The following PRDM14 variants were observed in gnomAD, a reference collection of about 807,000 sequenced individuals.
PRDM14 encodes the protein PR domain zinc finger protein 14.
Under a neutral mutation model 48.0 loss-of-function variants are expected in PRDM14, and 16 were observed. That is an observed-to-expected ratio of 0.33 (90% CI 0.23 to 0.51). The LOEUF is 0.51. Among genes scored for constraint, PRDM14 ranks in the 20% least tolerant of loss-of-function variants. The probability of loss-of-function intolerance (pLI) is 0.97; values close to 1 mark genes in which losing one functional copy is unlikely to be tolerated. For missense variants in PRDM14, 566 were observed against 719.6 expected (o/e 0.79, Z 2.44); for synonymous variants, 264 against 276.6 (o/e 0.95, Z 0.45).
In PRDM14 at chr8:70,068,331, T is replaced by G. The variant is rs1272358335; in HGVS notation, c.811A>C (p.Ser271Arg). 3 of 1,614,198 alleles carry G rather than the reference T, an allele frequency of 1.9e-6. No individual in the cohort carries two copies. In the South Asian group the frequency reaches 3.3e-5, roughly 18 times the overall value. Reference sequence around the variant, plus strand: ...CTGACTCCTTTGGCGATAAAACTACTGCAGAACACACCAAAATGTGGGACT... The same window carrying G: ...CTGACTCCTTTGGCGATAAAACTACGGCAGAACACACCAAAATGTGGGACT... Reference protein sequence around the residue: ...GEVPHFGVFCSSFIAKGVRFG... With the variant: ...GEVPHFGVFCRSFIAKGVRFG... Residue 271 changes from serine (S) to arginine (R), a missense_variant, in exon 4 of 8, where the codon AGT (serine) becomes CGT (arginine). Around this residue, in one of 3 missense-constraint regions of PRDM14, gnomAD observed 410 missense variants for 424.6 expected, o/e 0.97. Transcript: ENST00000276594.
At chr8:70,055,620 C>T (rs1460196292) in intron 6 of PRDM14, among the ~76,000 whole-genome samples, 1 of 152,036 alleles carries the variant, frequency 6.6e-6, no homozygotes, top group Non-Finnish European at 1.5e-5. Context: ...ATCCTCCCAC[C>T]TCAGCCTCCT....
chr8:70,056,974 T>G (rs1468226146), intron 6 of PRDM14, among the ~76,000 whole-genome samples: 3 of 151,078 alleles, frequency 2.0e-5, no homozygotes, highest in Non-Finnish European at 3.0e-5. Flanking sequence ...TTTTCTTTTT[T>G]TTTTTTTTTG....
At chr8:70,065,733 C>G (rs964764590) in intron 5 of PRDM14, among the ~76,000 whole-genome samples, 1 of 151,994 alleles carries the variant, frequency 6.6e-6, no homozygotes, top group African/African-American at 2.4e-5. Context: ...ACAATCCTTA[C>G]TCTTAAGGGA....
At chr8:70,066,181 C>G in intron 5 of PRDM14, 54 bp downstream of exon 5, 1 of 1,576,748 alleles carries the variant, frequency 6.3e-7, no homozygotes, top group South Asian at 1.2e-5. Context: ...TGGAAAAGAG[C>G]CCAGTCCTTC....
In PRDM14 at chr8:70,065,287, G is replaced by A. The variant is rs1236059791; in HGVS notation, c.1183+948C>T. ...AAAAGTGCTGAGATTACAGGTGTGA[G>A]CCACAGTATCCGGCCTGCCTTCTCT... On this transcript the variant is annotated intron_variant, in intron 5 of 7. Coordinates refer to ENST00000276594, the MANE Select transcript of PRDM14 (RefSeq NM_024504.4). Among the ~76,000 whole-genome samples, 6 of 152,076 alleles carry A rather than the reference G, an allele frequency of 3.9e-5. No homozygotes were observed. In the East Asian group the frequency reaches 1.2e-3, roughly 29 times the overall value.
chr8:70,060,932 A>C (rs1037721857), intron 5 of PRDM14, among the ~76,000 whole-genome samples: 7 of 152,220 alleles, frequency 4.6e-5, no homozygotes, highest in African/African-American at 1.7e-4. Context: ...CAGAGCTAGA[A>C]TCTTTATGTA....
At chr8:70,064,401 T>A (rs1032520229) in intron 5 of PRDM14, among the ~76,000 whole-genome samples, 2 of 152,084 alleles carry the variant, frequency 1.3e-5, no homozygotes, top group African/African-American at 2.4e-5. Flanking sequence ...TTAGTTCTAA[T>A]GTCTTCCTCT....
chr8:70,068,530 A>G lies in PRDM14; in HGVS notation c.703T>C (p.Ser235Pro). Residue 235 changes from serine (S) to proline (P), a missense_variant and splice_region_variant, in exon 3 of 8, where the codon TCT becomes CCT. Ser to Pro is a moderately conservative substitution (Grantham distance 74). Transcript: ENST00000276594. ...GLLVPPDSSG[S>P]DSLPQTLDKD... ...TCCAGAGTTTGAGGAAGAGAATCAG[A>G]TCCTAGCAAAAGGCAGGTTAAAACA... 1 of 1,614,110 alleles carries G rather than the reference A, an allele frequency of 6.2e-7. No individual in the cohort carries two copies. The highest frequency in any genetic ancestry group is 2.2e-5 in the East Asian group (1 of 44,892).
intron 7 of PRDM14, among the ~76,000 whole-genome samples, chr8:70,053,896 C>T (rs1170611296): frequency 6.6e-6 from 1 of 152,156 alleles, no homozygotes; most frequent in Non-Finnish European, 1.5e-5. Flanking sequence ...CAGTGCTTTC[C>T]AACAGGACTT....
chr8:70,069,949 C>G, intron 1 of PRDM14, 65 bp from the exon 2 acceptor site: 8 of 956,178 alleles, frequency 8.4e-6, no homozygotes, highest in Non-Finnish European at 1.2e-5. Flanking sequence ...ACCCGCGCCT[C>G]CCCACCAGCC....
chr8:70,069,831 C>T lies in PRDM14; in HGVS notation c.30G>A (p.Val10=), dbSNP rs768497612. The T allele has an allele frequency of 1.2e-6, 2 of 1,606,634 alleles. No homozygotes were observed. The highest frequency in any genetic ancestry group is 1.3e-5 in the African/African-American group (1 of 74,962). MALPRPSEA[V]PQDKVCYPPE... is the part of the protein sequence containing the mutation. Reference sequence around the variant, plus strand: ...GCGGGTAGCACACCTTGTCCTGAGGCACGGCCTCACTTGGCCGGGGTAGAG... The same window carrying T: ...GCGGGTAGCACACCTTGTCCTGAGGTACGGCCTCACTTGGCCGGGGTAGAG... The change falls in exon 2 of 8, where the codon GTG becomes GTA. Residue 10 remains valine, a synonymous_variant. Transcript: ENST00000276594.
chr8:70,061,453 T>C (rs1392530289), intron 5 of PRDM14, among the ~76,000 whole-genome samples: 1 of 152,192 alleles, frequency 6.6e-6, no homozygotes, highest in Non-Finnish European at 1.5e-5. Flanking sequence ...AAATAAACTA[T>C]TCATTAAGTA....
chr8:70,057,765 T>C (rs1463229862), intron 6 of PRDM14, among the ~76,000 whole-genome samples: 1 of 152,236 alleles, frequency 6.6e-6, no homozygotes, highest in African/African-American at 2.4e-5. Flanking sequence ...TCCTGATATT[T>C]TTAAATCCTT....
intron 5 of PRDM14, among the ~76,000 whole-genome samples, chr8:70,060,534 T>G (rs1361123767): frequency 6.6e-6 from 1 of 152,252 alleles, no homozygotes; most frequent in Non-Finnish European, 1.5e-5. Flanking sequence ...TTTGTTTAAT[T>G]ACTTTCTGGT....
At chr8:70,068,116 C>T in intron 4 of PRDM14, 114 bp downstream of exon 4, 3 of 1,184,682 alleles carry the variant, frequency 2.5e-6, no homozygotes, top group Non-Finnish European at 3.7e-6. Context: ...AGATATCTGC[C>T]CTGGATGTCC....
intron 6 of PRDM14, 86 bp downstream of exon 6, chr8:70,058,554 G>C (rs1805520107): frequency 8.8e-7 from 1 of 1,142,798 alleles, no homozygotes; most frequent in African/African-American, 1.5e-5. Flanking sequence ...CCTGCAGCTA[G>C]CACCTACAAG....
chr8:70,068,437 A>C, intron 3 of PRDM14, 42 bp downstream of exon 3: 3 of 1,614,100 alleles, frequency 1.9e-6, no homozygotes, highest in Non-Finnish European at 2.5e-6. Context: ...TTGACTCTGC[A>C]TTAGTTCAGG....
rs760887501 is a variant in PRDM14 at position 70,052,126 on chromosome 8, GAGA to G, written c.1664_1666del (p.Phe555del). The G allele has an allele frequency of 6.2e-7, 1 of 1,612,744 alleles. No individual in the cohort carries two copies. Among genetic ancestry groups the G allele is most frequent in the South Asian group, 1.1e-5 (1 of 90,948 alleles). ...GTGGGAGTAGAATGTTTCTTGATCT[GAGA>G]AGATTTTCCCACAGATGCTGCATGA... is the stretch of plus-strand genomic sequence containing the variant. On this transcript the variant is annotated inframe_deletion, in exon 8 of 8. Coordinates refer to ENST00000276594, the MANE Select transcript of PRDM14 (RefSeq NM_024504.4).
intron 5 of PRDM14, 69 bp from the exon 6 acceptor site, chr8:70,058,911 A>G: frequency 8.2e-7 from 1 of 1,224,482 alleles, no homozygotes; most frequent in Non-Finnish European, 1.1e-6. Context: ...GAGGATATTT[A>G]TTTATTTATT....
Sources: allele counts gnomAD v4.1 joint callset (sites outside exome capture counted in the v4.1 genomes callset), GRCh38; gene constraint gnomAD v4.1.1; regional missense constraint gnomAD v4.1.1; transcripts MANE v1.5; gene names NCBI Gene and HGNC (gene_info 2026-07-23, HGNC 2026-07-21).